The following IL16 variants were observed in gnomAD, a reference collection of about 807,000 sequenced individuals.
IL16 encodes interleukin 16.
In IL16, 67 loss-of-function variants were observed where a neutral mutation model predicts 110.1. The ratio of observed to expected loss-of-function variants is 0.61; its 90% CI spans 0.50 to 0.75. IL16 has a LOEUF of 0.75. Ranked by LOEUF, IL16 falls within the 30% of genes least tolerant of loss-of-function variation. IL16 has a pLI of 0.00. For synonymous variants in IL16, 689 were observed against 662.9 expected (o/e 1.04, Z -0.61); for missense variants, 1,545 against 1,655.0 (o/e 0.93, Z 1.15).
At chr15:81,249,855 T>C (rs1897704593) in intron 2 of IL16, among the ~76,000 whole-genome samples, 1 of 152,156 alleles carries the variant, frequency 6.6e-6, no homozygotes, top group Non-Finnish European at 1.5e-5. Flanking sequence ...ACCTCTCTTT[T>C]ATGTTTTCTT....
chr15:81,189,613 G>A (rs1895468866), intron 1 of IL16, among the ~76,000 whole-genome samples: 2 of 152,132 alleles, frequency 1.3e-5, no homozygotes, highest in Non-Finnish European at 2.9e-5. Context: ...GTTGGGAGGG[G>A]GTGTCAGGGA....
chr15:81,263,345 T>G (rs1457125380), intron 3 of IL16, among the ~76,000 whole-genome samples: 1 of 121,214 alleles, frequency 8.2e-6, no homozygotes, highest in Non-Finnish European at 1.9e-5. Flanking sequence ...TTTCAAAAAC[T>G]ATTTTTTTTT....
intron 2 of IL16, among the ~76,000 whole-genome samples, chr15:81,252,927 C>T (rs1421659452): frequency 2.0e-5 from 3 of 152,058 alleles, no homozygotes; most frequent in Non-Finnish European, 4.4e-5. Context: ...AATAATGCTG[C>T]TTTGAACTTT....
intron 2 of IL16, among the ~76,000 whole-genome samples, chr15:81,229,870 C>A (rs1402867668): frequency 6.6e-6 from 1 of 152,146 alleles, no homozygotes; most frequent in Non-Finnish European, 1.5e-5. Context: ...ACACTGATTT[C>A]AAAACAACAT....
intron 3 of IL16, among the ~76,000 whole-genome samples, chr15:81,263,430 T>C (rs565701259): frequency 1.3e-5 from 2 of 151,542 alleles, no homozygotes; most frequent in Non-Finnish European, 2.9e-5. Context: ...ACTTAACTGG[T>C]TTAAACTTCC....
chr15:81,277,689 T>C (rs932331260), intron 6 of IL16, among the ~76,000 whole-genome samples: 12 of 152,094 alleles, frequency 7.9e-5, no homozygotes, highest in African/African-American at 2.9e-4. Context: ...AGCGCTGGGA[T>C]TAGAGGTGTG....
intron 2 of IL16, among the ~76,000 whole-genome samples, chr15:81,252,211 A>G (rs943646044): frequency 3.3e-5 from 5 of 152,242 alleles, no homozygotes; most frequent in African/African-American, 1.2e-4. Flanking sequence ...TAGGAAGTGG[A>G]CTAACAAAGT....
chr15:81,294,440 C>T (rs1899887821), intron 12 of IL16, among the ~76,000 whole-genome samples: 1 of 152,230 alleles, frequency 6.6e-6, no homozygotes, highest in Admixed American at 6.5e-5. Context: ...CACAGCAGGT[C>T]TGTCCCAGTG....
At chr15:81,278,707 C>T (rs1368590959) in intron 6 of IL16, 110 bp from the exon 7 acceptor site, 6 of 773,734 alleles carry the variant, frequency 7.8e-6, no homozygotes, top group African/African-American at 3.4e-5. Flanking sequence ...TCCAGAGCTT[C>T]GTGCATCATA....
intron 5 of IL16, among the ~76,000 whole-genome samples, chr15:81,272,879 G>C (rs1236359002): frequency 6.6e-6 from 1 of 152,108 alleles, no homozygotes; most frequent in Non-Finnish European, 1.5e-5. Flanking sequence ...AGCCCAGGCT[G>C]GCCTTCATGC....
At chr15:81,202,062 G>A (rs893851158) in intron 1 of IL16, among the ~76,000 whole-genome samples, 8 of 152,214 alleles carry the variant, frequency 5.3e-5, no homozygotes, top group Admixed American at 5.2e-4. Context: ...TATGTAAAAT[G>A]TCTTTTCCTA....
intron 2 of IL16, among the ~76,000 whole-genome samples, chr15:81,248,959 G>A (rs556834619): frequency 1.3e-5 from 2 of 151,994 alleles, no homozygotes; most frequent in African/African-American, 4.8e-5. Flanking sequence ...GAGCTCAAGT[G>A]ATCTGCCCGC....
At chr15:81,254,857 T>C (rs1266207989) in intron 2 of IL16, among the ~76,000 whole-genome samples, 1 of 152,226 alleles carries the variant, frequency 6.6e-6, no homozygotes, top group Admixed American at 6.5e-5. Context: ...TTTGTTCTTA[T>C]GTAAGATGTT....
chr15:81,191,416 A>G (rs766932687), intron 1 of IL16, among the ~76,000 whole-genome samples: 8 of 152,246 alleles, frequency 5.3e-5, no homozygotes, highest in Non-Finnish European at 1.0e-4. Context: ...GTAGAAACTC[A>G]TTACATGGCA....
At chr15:81,242,724 G>A (rs1388068953) in intron 2 of IL16, among the ~76,000 whole-genome samples, 1 of 151,832 alleles carries the variant, frequency 6.6e-6, no homozygotes, top group Non-Finnish European at 1.5e-5. Context: ...TTTCCTTATT[G>A]TAGTAAGTAG....
At chr15:81,271,153 G>A (rs547047480) in intron 5 of IL16, among the ~76,000 whole-genome samples, 39 of 152,162 alleles carry the variant, frequency 2.6e-4, no homozygotes, top group South Asian at 4.2e-4. Context: ...GCAGCCGGGC[G>A]CACTGGCTCA....
chr15:81,197,097 A>G lies in IL16; in HGVS notation c.-157A>G. 7.8e-7 allele frequency: 1 copy of G among 1,288,834 alleles called. No homozygotes were observed. The highest frequency in any genetic ancestry group is 1.0e-6 in the Non-Finnish European group (1 of 988,544). The allele number at this position is 1,288,834 out of a possible 1,614,324, so 79.8% of individuals were successfully genotyped here. On this transcript the variant is annotated 5_prime_UTR_variant, in exon 1 of 19. Coordinates refer to ENST00000683961, the MANE Select transcript of IL16 (RefSeq NM_172217.5). ...TCCCTGCTGGGCAGATGGAGAGAGGAGCAAGGGAGATGGCAGCCCCGGGGG... is the reference window on the plus strand; with the variant it reads ...TCCCTGCTGGGCAGATGGAGAGAGGGGCAAGGGAGATGGCAGCCCCGGGGG...
At chr15:81,241,013 A>G (rs1897320152) in intron 2 of IL16, among the ~76,000 whole-genome samples, 1 of 151,732 alleles carries the variant, frequency 6.6e-6, no homozygotes, top group South Asian at 2.1e-4. Flanking sequence ...TTTTTTTTCC[A>G]TACAGTTAGC....
At chr15:81,306,192 C>G (rs775234071) in intron 17 of IL16, 26 bp downstream of exon 17, 4 of 1,604,268 alleles carry the variant, frequency 2.5e-6, no homozygotes, top group Non-Finnish European at 3.4e-6. Flanking sequence ...TCAGTGGAAG[C>G]CACATGGGCC....
Sources: gnomAD v4.1 joint callset for allele counts (sites outside exome capture counted in the v4.1 genomes callset) on GRCh38, gnomAD v4.1.1 for gene constraint, MANE v1.5 for transcripts, NCBI Gene and HGNC (gene_info 2026-07-23, HGNC 2026-07-21) for gene names.